The following ASS1 variants were observed in gnomAD, a reference collection of about 807,000 sequenced individuals.
ASS1 encodes argininosuccinate synthase.
ASS1 carries 58 observed loss-of-function variants against 60.5 expected under a neutral mutation model. The observed-to-expected ratio is 0.96, with a 90% CI of 0.78 to 1.19. The LOEUF (loss-of-function observed/expected upper bound fraction) is 1.19, where lower values mean the gene tolerates loss of function less well. Among genes scored for constraint, ASS1 ranks in the 50% most tolerant of loss-of-function variants. ASS1 has a pLI of 0.00. For missense variants in ASS1, 454 were observed against 547.3 expected (o/e 0.83, Z 1.70); for synonymous variants, 200 against 206.9 (o/e 0.97, Z 0.29).
At chr9:130,450,420 T>C in intron 1 of ASS1, 1 of 883,512 alleles carries the variant, frequency 1.1e-6, no homozygotes, top group Middle Eastern at 5.5e-4. Context: ...GCAGTTGCCA[T>C]GGATACCACC....
At chr9:130,464,274 C>T in intron 5 of ASS1, 107 bp downstream of exon 5, 1 of 1,399,390 alleles carries the variant, frequency 7.1e-7, no homozygotes, top group African/African-American at 1.4e-5. Flanking sequence ...CACAGAATCT[C>T]CTCCGTGGCA....
rs1177653935 is a variant in ASS1 at position 130,467,739 on chromosome 9, C to T, written c.495+940C>T. 3.9e-5 allele frequency among the ~76,000 whole-genome samples: 6 copies of T among 152,244 alleles called. No individual in the cohort carries two copies. In the East Asian group the frequency reaches 1.2e-3, roughly 29 times the overall value. On this transcript the variant is annotated intron_variant, in intron 6 of 14. Coordinates refer to ENST00000352480, the MANE Select transcript of ASS1 (RefSeq NM_054012.4). Reference sequence around the variant, plus strand: ...GGGAGCCGGGTTGGTGAGGTTTCTCCCCTGGTCTCCTTGATGATATAGAAT... The same window carrying T: ...GGGAGCCGGGTTGGTGAGGTTTCTCTCCTGGTCTCCTTGATGATATAGAAT...
chr9:130,450,307 G>A lies in ASS1; in HGVS notation c.-5-1917G>A, dbSNP rs145212223. The A allele has an allele frequency of 9.4e-5, 93 of 987,802 alleles. No individual in the cohort carries two copies. In the African/African-American group the frequency reaches 1.5e-3, roughly 16 times the overall value. 61.2% of individuals were successfully genotyped at this position (987,802 alleles called of 1,614,324 possible). ...TGCACTGTGAAAACAGATTCCAGAC[G>A]CCGGGAACTCACGCCTCCAATCCCA... On this transcript the variant is annotated intron_variant, in intron 1 of 14. Coordinates refer to ENST00000352480, the MANE Select transcript of ASS1 (RefSeq NM_054012.4).
intron 1 of ASS1, chr9:130,451,630 GCA>G (rs1845328487): frequency 1.1e-5 from 4 of 355,480 alleles, no homozygotes; most frequent in Non-Finnish European, 2.2e-5. Context: ...TGCTGGGGAA[GCA>G]CAGATTCTTG....
In ASS1 at chr9:130,477,350, T is replaced by C. The variant is rs1433034070; in HGVS notation, c.688+389T>C. 6.6e-6 allele frequency among the ~76,000 whole-genome samples: 1 copy of C among 152,192 alleles called. No homozygotes were observed. The highest frequency in any genetic ancestry group is 2.4e-5 in the African/African-American group (1 of 41,450). On this transcript the variant is annotated intron_variant, in intron 9 of 14. Transcript: ENST00000352480. The surrounding 1 kb of genome is among the most constrained non-coding windows in gnomAD (Gnocchi z 4.2). ...AGGCCTGCAAGGGAGCGTCCAGCCC[T>C]GGGCCCTGACCCCGGAAGGTGCTCA...
In ASS1 at chr9:130,478,869, G is replaced by A. The variant is rs780296377; in HGVS notation, c.689-847G>A. ...CGCCTTGAGTGAAGCCCCTCCAAGC[G>A]GCGCCTGGCTAATAAAGCCTCGAAA... On this transcript the variant is annotated intron_variant, in intron 9 of 14. Transcript: ENST00000352480. This position sits in a 1 kb window ranked among gnomAD's most constrained non-coding sequence, Gnocchi z 4.7. 3.3e-5 allele frequency among the ~76,000 whole-genome samples: 5 copies of A among 152,200 alleles called. No individual in the cohort carries two copies. The highest frequency in any genetic ancestry group is 4.8e-5 in the African/African-American group (2 of 41,444).
chr9:130,481,716 A>T (rs1345045147), intron 11 of ASS1, among the ~76,000 whole-genome samples: 1 of 152,190 alleles, frequency 6.6e-6, no homozygotes, highest in Admixed American at 6.5e-5. Context: ...TTCCCTGGAA[A>T]GGCATGGCAG....
chr9:130,478,980 T>G lies in ASS1; in HGVS notation c.689-736T>G, dbSNP rs978432542. On this transcript the variant is annotated intron_variant, in intron 9 of 14. Coordinates refer to ENST00000352480, the MANE Select transcript of ASS1 (RefSeq NM_054012.4). This position sits in a 1 kb window ranked among gnomAD's most constrained non-coding sequence, Gnocchi z 4.7. ...TGGGTGGGGGATTAGCCGCCAACTT[T>G]GAACAGCTTTTCTTTGTCACTGTTT... Among the ~76,000 whole-genome samples, 6 of 152,188 alleles carry G rather than the reference T, an allele frequency of 3.9e-5. No individual in the cohort carries two copies. Among genetic ancestry groups the G allele is most frequent in the Admixed American group, 2.0e-4 (3 of 15,292 alleles).
chr9:130,466,587 C>T (rs948795629), intron 5 of ASS1, 138 bp from the exon 6 acceptor site: 1 of 820,656 alleles, frequency 1.2e-6, no homozygotes, highest in Non-Finnish European at 2.0e-6. Flanking sequence ...CCCTCTCACC[C>T]TCACAACAGC....
chr9:130,498,656 T>C (rs1279816797), intron 13 of ASS1, among the ~76,000 whole-genome samples: 1 of 152,194 alleles, frequency 6.6e-6, no homozygotes, highest in Non-Finnish European at 1.5e-5. Flanking sequence ...GGGCCAAATG[T>C]GACACTGAGA....
intron 4 of ASS1, among the ~76,000 whole-genome samples, chr9:130,462,443 C>T (rs1845620464): frequency 1.3e-5 from 2 of 152,168 alleles, no homozygotes; most frequent in Admixed American, 1.3e-4. Flanking sequence ...TTAGACTGGC[C>T]TCCTTGGCTC....
rs1287490361 is a variant in ASS1, at chr9:130,445,291, C to A, written c.-6+296C>A. On this transcript the variant is annotated intron_variant, in intron 1 of 14. Coordinates refer to ENST00000352480, the MANE Select transcript of ASS1 (RefSeq NM_054012.4). ...AGCGGCTCGGGTTATTTGTTCCCTG[C>A]GCAGCCGGGTCCTTTCTGGACTCCT... The A allele has an allele frequency of 8.4e-6, 8 of 947,046 alleles. No individual in the cohort carries two copies. The African/African-American group carries it at 1.1e-4, about 13-fold the overall frequency. 58.7% of individuals were successfully genotyped at this position (947,046 alleles called of 1,614,324 possible). A position where few individuals can be genotyped will look rare whatever the true frequency, so the allele number is the denominator to read the frequency against.
intron 5 of ASS1, among the ~76,000 whole-genome samples, chr9:130,465,764 T>G (rs537949857): frequency 6.6e-6 from 1 of 152,368 alleles, no homozygotes; most frequent in South Asian, 2.1e-4. Context: ...TGAGCCGTAA[T>G]GAGCTCTAAT....
chr9:130,458,722 T>C, intron 4 of ASS1, 133 bp downstream of exon 4: 2 of 1,270,818 alleles, frequency 1.6e-6, no homozygotes, highest in African/African-American at 1.5e-5. Context: ...CATGGCTTTG[T>C]TTAGACCCCA....
At chr9:130,450,194 G>A in intron 1 of ASS1, 1 of 893,012 alleles carries the variant, frequency 1.1e-6, no homozygotes, top group Non-Finnish European at 1.3e-6. Flanking sequence ...AGGAGATTGG[G>A]CGGCTGGAAA....
At chr9:130,464,382 A>C (rs1281432654) in intron 5 of ASS1, among the ~76,000 whole-genome samples, 1 of 152,106 alleles carries the variant, frequency 6.6e-6, no homozygotes, top group African/African-American at 2.4e-5. Flanking sequence ...TTCTTCCCGG[A>C]GAGGCTGTCC....
At position 130,470,976 on chromosome 9, in the gene ASS1, G is replaced by T. The variant is rs1845854443; in HGVS notation, c.566+72G>T. The T allele has an allele frequency of 1.3e-6, 2 of 1,547,048 alleles. No individual in the cohort carries two copies. Among genetic ancestry groups the T allele is most frequent in the Admixed American group, 3.3e-5 (2 of 59,930 alleles). On this transcript the variant is annotated intron_variant, in intron 7 of 14. Coordinates refer to ENST00000352480, the MANE Select transcript of ASS1 (RefSeq NM_054012.4). This position sits in a 1 kb window ranked among gnomAD's most constrained non-coding sequence, Gnocchi z 4.3. The stretch of plus-strand genomic sequence containing the variant: ...AAAGGACGGCCACGCGCTGCCCCAG[G>T]ACGTCCTGGTGACCCCCACACCAGT...
rs116942660 is a variant in ASS1 at position 130,481,236 on chromosome 9, C to T, written c.838+787C>T. Among the ~76,000 whole-genome samples, 45 of 152,236 alleles carry T rather than the reference C, an allele frequency of 3.0e-4. No homozygotes were observed. In the East Asian group the frequency reaches 7.7e-3, roughly 26 times the overall value. ...TCATACACCAAGGGGATCTCAGCTC[C>T]CTGAGGGTCTGCCAGTGTGTGATAA... On this transcript the variant is annotated intron_variant, in intron 11 of 14. Coordinates refer to ENST00000352480, the MANE Select transcript of ASS1 (RefSeq NM_054012.4).
intron 11 of ASS1, among the ~76,000 whole-genome samples, chr9:130,487,808 T>C (rs997741888): frequency 1.3e-4 from 20 of 151,806 alleles, no homozygotes; most frequent in African/African-American, 4.6e-4. Context: ...TGGAGTGCAG[T>C]GGTGTGAAAT....
Sources: allele counts gnomAD v4.1 joint callset (sites outside exome capture counted in the v4.1 genomes callset), GRCh38; gene constraint gnomAD v4.1.1; non-coding constraint Gnocchi (gnomAD v3.1); transcripts MANE v1.5; gene names NCBI Gene and HGNC (gene_info 2026-07-23, HGNC 2026-07-21).